The following GHR variants were observed in gnomAD, a reference collection of about 807,000 sequenced individuals.
GHR encodes the protein growth hormone receptor.
In GHR, 35 loss-of-function variants were observed where a neutral mutation model predicts 67.1. The observed-to-expected ratio is 0.52, with a 90% CI of 0.40 to 0.69. GHR has a LOEUF of 0.69. GHR is among the 30% of genes least tolerant of loss of function. GHR has a pLI of 0.00. For synonymous variants in GHR, 272 were observed against 269.1 expected (o/e 1.01, Z -0.10); for missense variants, 792 against 764.6 (o/e 1.04, Z -0.42).
At chr5:42,583,881 A>ATT (rs1424439393) in intron 2 of GHR, among the ~76,000 whole-genome samples, 1 of 141,378 alleles carries the variant, frequency 7.1e-6, no homozygotes, top group African/African-American at 2.5e-5. Context: ...AAATAAAGAT[A>ATT]TATATATATA....
At chr5:42,457,681 T>C (rs147821076) in intron 1 of GHR, among the ~76,000 whole-genome samples, 89 of 152,356 alleles carry the variant, frequency 5.8e-4, no homozygotes, top group South Asian at 3.5e-3. Context: ...ACCATTGTTA[T>C]ATTAAATATT....
In GHR at chr5:42,721,823, G is replaced by A. The variant is rs186249038; in HGVS notation, c.*2399G>A. 18 of 152,436 alleles carry A rather than the reference G, an allele frequency of 1.2e-4. No individual in the cohort carries two copies. Among genetic ancestry groups the A allele is most frequent in the African/African-American group, 4.1e-4 (17 of 41,514 alleles). 9.4% of individuals were successfully genotyped at this position (152,436 alleles called of 1,614,324 possible). ...AAAGTTTAATAAATTTATTTTCTTG[G>A]ATTCCTGATAGTGTGCTTCTGTTAT... On this transcript the variant is annotated 3_prime_UTR_variant, in exon 10 of 10. Transcript: ENST00000230882.
intron 1 of GHR, among the ~76,000 whole-genome samples, chr5:42,477,321 G>C (rs545303926): frequency 1.7e-4 from 26 of 151,984 alleles, no homozygotes; most frequent in Middle Eastern, 3.2e-3. Flanking sequence ...TTGCTATTGC[G>C]AATAGTGCCA....
intron 3 of GHR, among the ~76,000 whole-genome samples, chr5:42,643,197 C>T (rs568832232): frequency 1.1e-4 from 16 of 152,246 alleles, no homozygotes; most frequent in Admixed American, 3.3e-4. Flanking sequence ...CTTAACTTAA[C>T]GCATTTAACG....
intron 3 of GHR, among the ~76,000 whole-genome samples, chr5:42,687,604 G>A (rs1437615373): frequency 1.3e-5 from 2 of 152,196 alleles, no homozygotes; most frequent in African/African-American, 2.4e-5. Context: ...AACATCCCAT[G>A]CCTTATGAGT....
At chr5:42,579,317 A>C (rs1413943562) in intron 2 of GHR, among the ~76,000 whole-genome samples, 5 of 152,186 alleles carry the variant, frequency 3.3e-5, no homozygotes, top group Non-Finnish European at 5.9e-5. Context: ...TTCTACATTA[A>C]ATACTCATTA....
chr5:42,439,690 T>C (rs1224690160), intron 1 of GHR, among the ~76,000 whole-genome samples: 2 of 152,348 alleles, frequency 1.3e-5, no homozygotes, highest in African/African-American at 2.4e-5. Context: ...TTACAGAAGA[T>C]ACTTGTTGAC....
chr5:42,709,353 G>T (rs924690774), intron 6 of GHR, among the ~76,000 whole-genome samples: 4 of 152,186 alleles, frequency 2.6e-5, no homozygotes, highest in African/African-American at 9.7e-5. Context: ...ATGTTGGCCA[G>T]ACTGGTCTCG....
intron 6 of GHR, among the ~76,000 whole-genome samples, chr5:42,702,277 A>G (rs1359729877): frequency 6.6e-6 from 1 of 152,074 alleles, no homozygotes; most frequent in African/African-American, 2.4e-5. Context: ...TAGATTCTGC[A>G]TATAAGTGAG....
chr5:42,541,359 G>T (rs1053790436), intron 1 of GHR, among the ~76,000 whole-genome samples: 4 of 152,224 alleles, frequency 2.6e-5, no homozygotes, highest in African/African-American at 9.6e-5. Context: ...CCAGGTAGAG[G>T]GAATAGCATA....
At chr5:42,661,683 G>A (rs1004026723) in intron 3 of GHR, among the ~76,000 whole-genome samples, 2 of 152,224 alleles carry the variant, frequency 1.3e-5, no homozygotes, top group African/African-American at 2.4e-5. Flanking sequence ...AGGCTAGGAA[G>A]AAACTGCATC....
chr5:42,718,998 T>C lies in GHR; in HGVS notation c.1491T>C (p.Gly497=), dbSNP rs1303220545. 6 of 1,608,966 alleles carry C rather than the reference T, an allele frequency of 3.7e-6. No individual in the cohort carries two copies. Among genetic ancestry groups the C allele is most frequent in the Non-Finnish European group, 5.1e-6 (6 of 1,176,680 alleles). ...YAQVSDITPA[G]SVVLSPGQKN... is the part of the protein sequence containing the mutation. ...AGGTGAGCGACATTACACCAGCAGGTAGTGTGGTCCTTTCCCCGGGCCAAA... is the reference window on the plus strand; with the variant it reads ...AGGTGAGCGACATTACACCAGCAGGCAGTGTGGTCCTTTCCCCGGGCCAAA... Residue 497 remains glycine (G), a synonymous_variant, in exon 10 of 10, where the codon GGT becomes GGC. Transcript: ENST00000230882.
At chr5:42,607,384 T>A (rs1752679534) in intron 2 of GHR, among the ~76,000 whole-genome samples, 2 of 152,210 alleles carry the variant, frequency 1.3e-5, no homozygotes, top group South Asian at 4.1e-4. Flanking sequence ...TGGGTTTCCT[T>A]CCTGATTACA....
chr5:42,652,571 T>G (rs1297916040), intron 3 of GHR, among the ~76,000 whole-genome samples: 2 of 152,162 alleles, frequency 1.3e-5, no homozygotes, highest in Non-Finnish European at 2.9e-5. Flanking sequence ...GGAGCAAGAA[T>G]ATAGACTGCT....
chr5:42,562,812 A>G (rs998122516), intron 1 of GHR, among the ~76,000 whole-genome samples: 3 of 151,554 alleles, frequency 2.0e-5, no homozygotes, highest in African/African-American at 7.3e-5. Context: ...TGCCATGCCC[A>G]GCTAATTTTT....
intron 4 of GHR, among the ~76,000 whole-genome samples, chr5:42,690,568 A>G (rs1245489962): frequency 6.6e-6 from 1 of 152,236 alleles, no homozygotes; most frequent in African/African-American, 2.4e-5. Flanking sequence ...AAGACCATTT[A>G]TACCAGTAAA....
At chr5:42,547,234 A>T (rs563541593) in intron 1 of GHR, among the ~76,000 whole-genome samples, 2 of 152,358 alleles carry the variant, frequency 1.3e-5, no homozygotes, top group African/African-American at 4.8e-5. Context: ...AAAGCAAGCC[A>T]GGCAGAAGGA....
At chr5:42,493,413 T>C (rs1001880000) in intron 1 of GHR, among the ~76,000 whole-genome samples, 2 of 152,214 alleles carry the variant, frequency 1.3e-5, no homozygotes, top group Non-Finnish European at 2.9e-5. Context: ...TTTTGTTTTT[T>C]TTACAAAGGA....
intron 1 of GHR, among the ~76,000 whole-genome samples, chr5:42,483,584 A>G (rs1164893260): frequency 6.6e-6 from 1 of 152,184 alleles, no homozygotes; most frequent in African/African-American, 2.4e-5. Context: ...GGAATAGGGA[A>G]GTCATGTATG....
Sources: gnomAD v4.1 joint callset for allele counts (sites outside exome capture counted in the v4.1 genomes callset) on GRCh38, gnomAD v4.1.1 for gene constraint, MANE v1.5 for transcripts, NCBI Gene and HGNC (gene_info 2026-07-23, HGNC 2026-07-21) for gene names.